CDH10: variants seen among roughly 807,000 people sequenced by gnomAD.
CDH10 encodes cadherin-10.
In CDH10, 30 loss-of-function variants were observed where a neutral mutation model predicts 73.1. The ratio of observed to expected loss-of-function variants is 0.41; its 90% CI spans 0.31 to 0.56. The LOEUF (loss-of-function observed/expected upper bound fraction) is 0.56. Among genes scored for constraint, CDH10 ranks in the 20% least tolerant of loss-of-function variants. The probability of loss-of-function intolerance (pLI) is 0.27; values close to 1 mark genes in which losing one functional copy is unlikely to be tolerated. For synonymous variants in CDH10, 345 were observed against 348.2 expected (o/e 0.99, Z 0.10); for missense variants, 815 against 973.7 (o/e 0.84, Z 2.17).
At chr5:24,528,340 A>G (rs1205474731) in intron 5 of CDH10, among the ~76,000 whole-genome samples, 13 of 151,944 alleles carry the variant, frequency 8.6e-5, no homozygotes, top group African/African-American at 3.1e-4. Context: ...AAAGTGCTTG[A>G]TAATTTTAAA....
In CDH10 at chr5:24,507,313, T is replaced by C. The variant is rs1055997399; in HGVS notation, c.1257-2065A>G. ...CAACTTAATGGCATACCCTCAGTCA[T>C]TGATAAGCAAGGGAGCTATTATTTT... On this transcript the variant is annotated intron_variant, in intron 7 of 11. Transcript: ENST00000264463. Among the ~76,000 whole-genome samples the C allele has an allele frequency of 3.3e-5, 5 of 151,532 alleles. 1 individual carries two copies. The South Asian group carries it at 6.2e-4, about 19-fold the overall frequency.
chr5:24,531,750 G>T (rs1265129197), intron 5 of CDH10, among the ~76,000 whole-genome samples: 2 of 152,092 alleles, frequency 1.3e-5, no homozygotes, highest in African/African-American at 4.8e-5. Flanking sequence ...TTCAAGATGA[G>T]ATTGGGGTGG....
At chr5:24,554,524 G>A (rs1327980145) in intron 2 of CDH10, among the ~76,000 whole-genome samples, 19 of 91,018 alleles carry the variant, frequency 2.1e-4, no homozygotes, top group African/African-American at 6.0e-4. Context: ...GTGTGTGCAC[G>A]TGCATGATTT....
At chr5:24,577,832 C>A (rs893334038) in intron 2 of CDH10, among the ~76,000 whole-genome samples, 2 of 152,060 alleles carry the variant, frequency 1.3e-5, no homozygotes, top group Non-Finnish European at 2.9e-5. Context: ...TTACTGGGCC[C>A]CACACAAATA....
At chr5:24,574,030 G>A (rs139966742) in intron 2 of CDH10, among the ~76,000 whole-genome samples, 4,397 of 151,356 alleles carry the variant, frequency 0.029, 221 homozygotes, top group African/African-American at 0.1. Flanking sequence ...GACTACAGGC[G>A]CCTGCCACCA....
chr5:24,616,258 A>T (rs1261672522), intron 1 of CDH10, among the ~76,000 whole-genome samples: 1 of 152,172 alleles, frequency 6.6e-6, no homozygotes, highest in African/African-American at 2.4e-5. Context: ...ATGTTCATTA[A>T]TTAAGGAACT....
chr5:24,539,919 G>T (rs1179829458), intron 2 of CDH10, among the ~76,000 whole-genome samples: 1 of 151,956 alleles, frequency 6.6e-6, no homozygotes, highest in Non-Finnish European at 1.5e-5. Context: ...TTCTATCTGA[G>T]AATTAAAATA....
intron 1 of CDH10, among the ~76,000 whole-genome samples, chr5:24,606,166 T>C (rs111506716): frequency 0.02 from 2,985 of 152,252 alleles, 89 homozygotes; most frequent in African/African-American, 0.069. Flanking sequence ...TCAAAATTCA[T>C]AGAACTTTAC....
chr5:24,567,251 A>G (rs1380945654), intron 2 of CDH10, among the ~76,000 whole-genome samples: 2 of 152,000 alleles, frequency 1.3e-5, no homozygotes, highest in Admixed American at 1.3e-4. Context: ...TAATTGTGAC[A>G]GTGTAAATTT....
Position 24,628,397 on chromosome 5 carries a change from A to G in CDH10, c.-124+16197T>C, listed in dbSNP as rs112861855. Among the ~76,000 whole-genome samples, 1,213 of 152,294 alleles carry G rather than the reference A, an allele frequency of 8.0e-3. 13 individuals are homozygous for G. The highest frequency in any genetic ancestry group is 0.028 in the African/African-American group (1,148 of 41,576). ...GTAGTGGAGACAAACTGCAGACACC[A>G]AGTGGTAATTCAATATACATATGAA... On this transcript the variant is annotated intron_variant, in intron 1 of 11. Coordinates refer to ENST00000264463, the MANE Select transcript of CDH10 (RefSeq NM_006727.5).
chr5:24,593,021 T>C (rs921372678), intron 2 of CDH10, among the ~76,000 whole-genome samples: 1 of 151,808 alleles, frequency 6.6e-6, no homozygotes, highest in Non-Finnish European at 1.5e-5. Flanking sequence ...TTTGAGTACC[T>C]CTTTAATCCA....
In CDH10 at chr5:24,528,933, A is replaced by G. The variant is rs1344322008; in HGVS notation, c.814+6179T>C. Reference sequence around the variant, plus strand: ...TACATTTACATGATTCTGTTTTTTTAACTAATGAAAAGGGGTAGATTTATG... The same window carrying G: ...TACATTTACATGATTCTGTTTTTTTGACTAATGAAAAGGGGTAGATTTATG... On this transcript the variant is annotated intron_variant, in intron 5 of 11. Transcript: ENST00000264463. Among the ~76,000 whole-genome samples, 4 of 151,928 alleles carry G rather than the reference A, an allele frequency of 2.6e-5. No individual in the cohort carries two copies. The South Asian group carries it at 8.3e-4, about 31-fold the overall frequency.
intron 1 of CDH10, among the ~76,000 whole-genome samples, chr5:24,639,596 C>T (rs977883493): frequency 6.6e-6 from 1 of 151,486 alleles, no homozygotes. Context: ...TTTCTGTTTC[C>T]CAAATTTCCA....
At chr5:24,567,122 A>G (rs10051898) in intron 2 of CDH10, among the ~76,000 whole-genome samples, 141,244 of 152,032 alleles carry the variant, frequency 0.93, 66,002 homozygotes, top group East Asian at 1. Flanking sequence ...AGTCATCAGA[A>G]AAATGCAAAT....
chr5:24,594,815 C>T (rs1746316743), intron 1 of CDH10, among the ~76,000 whole-genome samples: 1 of 151,754 alleles, frequency 6.6e-6, no homozygotes, highest in Non-Finnish European at 1.5e-5. Context: ...TTATTGTGTA[C>T]ATATTCTGTT....
At position 24,536,102 on chromosome 5, in the gene CDH10, C is replaced by T. The variant is rs1464906953; in HGVS notation, c.527-280G>A. ...TAAATACAGTCACTTTACAAATGCTCAAGTTGGATATTGAAATTCATTTTC... is the reference window on the plus strand; with the variant it reads ...TAAATACAGTCACTTTACAAATGCTTAAGTTGGATATTGAAATTCATTTTC... On this transcript the variant is annotated intron_variant, in intron 3 of 11. Coordinates refer to ENST00000264463, the MANE Select transcript of CDH10 (RefSeq NM_006727.5). Among the ~76,000 whole-genome samples, 8 of 152,132 alleles carry T rather than the reference C, an allele frequency of 5.3e-5. No homozygotes were observed. In the East Asian group the frequency reaches 7.7e-4, roughly 15 times the overall value.
At chr5:24,543,160 G>C (rs1014303878) in intron 2 of CDH10, among the ~76,000 whole-genome samples, 5 of 151,978 alleles carry the variant, frequency 3.3e-5, no homozygotes, top group African/African-American at 1.2e-4. Flanking sequence ...AAAAAAAGTT[G>C]AATAGTGAAA....
intron 1 of CDH10, among the ~76,000 whole-genome samples, chr5:24,599,999 T>C (rs1425700030): frequency 6.6e-6 from 1 of 152,180 alleles, no homozygotes; most frequent in East Asian, 1.9e-4. Flanking sequence ...TAATGTTCCA[T>C]TAGTTAAATT....
At chr5:24,609,268 T>C (rs964930269) in intron 1 of CDH10, among the ~76,000 whole-genome samples, 25 of 152,204 alleles carry the variant, frequency 1.6e-4, no homozygotes, top group Non-Finnish European at 2.6e-4. Flanking sequence ...TGGTTGATTT[T>C]TTCCCCTTCC....
Sources: gnomAD v4.1 joint callset for allele counts (sites outside exome capture counted in the v4.1 genomes callset) on GRCh38, gnomAD v4.1.1 for gene constraint, MANE v1.5 for transcripts, NCBI Gene and HGNC (gene_info 2026-07-23, HGNC 2026-07-21) for gene names.